SCN2A: variants seen among roughly 807,000 people sequenced by gnomAD.
SCN2A encodes the protein sodium voltage-gated channel alpha subunit 2.
A neutral mutation model predicts 188.7 loss-of-function variants in SCN2A; 20 were observed. The observed-to-expected ratio is 0.11, with a 90% confidence interval of 0.07 to 0.15. The LOEUF (loss-of-function observed/expected upper bound fraction) is 0.15. Among genes scored for constraint, SCN2A ranks in the 10% least tolerant of loss-of-function variants. SCN2A has a pLI of 1.00. For missense variants in SCN2A, 1,278 were observed against 2,445.0 expected, an observed-to-expected ratio of 0.52 and a Z score of 10.07; for synonymous variants, 804 against 833.1, an observed-to-expected ratio of 0.97 and a Z score of 0.60.
intron 23 of SCN2A, 57 bp from the exon 24 acceptor site, chr2:165,380,535 G>C (rs1701547488): frequency 7.8e-7 from 1 of 1,283,378 alleles, no homozygotes; most frequent in Non-Finnish European, 1.1e-6. Flanking sequence ...ACTCACTGAT[G>C]TACTTTTTGT....
intron 3 of SCN2A, among the ~76,000 whole-genome samples, chr2:165,301,722 ACT>A (rs1696818741): frequency 6.6e-6 from 1 of 152,060 alleles, no homozygotes; most frequent in African/African-American, 2.4e-5. Flanking sequence ...CAAAAAGGAA[ACT>A]CTCATATTCC....
intron 14 of SCN2A, among the ~76,000 whole-genome samples, chr2:165,334,827 T>A (rs1698898056): frequency 6.6e-6 from 1 of 151,610 alleles, no homozygotes; most frequent in Non-Finnish European, 1.5e-5. Flanking sequence ...AAGTAAATTC[T>A]ATTAACGAAT....
Position 165,389,406 on chromosome 2 carries a change from G to C in SCN2A, c.5600G>C (p.Gly1867Ala). The change falls in exon 27 of 27, where the codon GGT (glycine) becomes GCT (alanine). Residue 1867 changes from glycine (G) to alanine (A), a missense_variant. Physicochemically the swap from Gly to Ala is moderately conservative, Grantham distance 60. This residue lies in a region of SCN2A where 54 missense variants were observed against 135.4 expected (regional missense o/e 0.40). Transcript: ENST00000375437. This position sits in a 1 kb window ranked among gnomAD's most constrained non-coding sequence, Gnocchi z 4.2. ...ILFAFTKRVL[G>A]ESGEMDALRI... is the part of the protein sequence containing the mutation. Reference sequence around the variant, plus strand: ...TTTGCTTTTACAAAGCGTGTTTTGGGTGAGAGTGGAGAGATGGATGCCCTT... The same window carrying C: ...TTTGCTTTTACAAAGCGTGTTTTGGCTGAGAGTGGAGAGATGGATGCCCTT... 6.2e-7 allele frequency: 1 copy of C among 1,613,958 alleles called. No individual in the cohort carries two copies. The highest frequency in any genetic ancestry group is 8.5e-7 in the Non-Finnish European group (1 of 1,179,972).
At chr2:165,306,504 TTGTGTGTGTGTGTGTGTGTGTGTGTGTG>T (rs10524719) in intron 3 of SCN2A, among the ~76,000 whole-genome samples, 4 of 147,428 alleles carry the variant, frequency 2.7e-5, no homozygotes, top group Non-Finnish European at 6.0e-5. Context: ...AAATGGTATT[TTGTGTGTGTGTGTGTGTGTGTGTGTGTG>T]TGTGTGTGTG....
At chr2:165,248,362 C>G (rs1278051791) in intron 1 of SCN2A, among the ~76,000 whole-genome samples, 1 of 152,124 alleles carries the variant, frequency 6.6e-6, no homozygotes, top group African/African-American at 2.4e-5. Flanking sequence ...CCCTCATTCA[C>G]TTTCACTATT....
intron 1 of SCN2A, among the ~76,000 whole-genome samples, chr2:165,286,832 G>C (rs1053486834): frequency 6.6e-6 from 1 of 152,096 alleles, no homozygotes; most frequent in Non-Finnish European, 1.5e-5. Flanking sequence ...TATGTATTAC[G>C]CTTTTTTGGG....
At chr2:165,359,322 C>T (rs532416840) in intron 17 of SCN2A, among the ~76,000 whole-genome samples, 9 of 152,164 alleles carry the variant, frequency 5.9e-5, no homozygotes, top group South Asian at 2.1e-4. Context: ...TAGGCACTTT[C>T]GGATAATAGC....
At chr2:165,251,159 G>A (rs1162850855) in intron 1 of SCN2A, among the ~76,000 whole-genome samples, 1 of 151,984 alleles carries the variant, frequency 6.6e-6, no homozygotes, top group Non-Finnish European at 1.5e-5. Flanking sequence ...TAGCAAAGAT[G>A]GACTCAGGAA....
At chr2:165,381,436 G>T (rs531080007) in intron 25 of SCN2A, among the ~76,000 whole-genome samples, 5 of 151,732 alleles carry the variant, frequency 3.3e-5, no homozygotes, top group Non-Finnish European at 7.4e-5. Context: ...AATAAAATTT[G>T]CTATACTTAA....
chr2:165,294,901 C>T (rs1028718628), intron 1 of SCN2A, among the ~76,000 whole-genome samples: 2 of 152,102 alleles, frequency 1.3e-5, no homozygotes, highest in South Asian at 2.1e-4. Context: ...TTTCTCAAGT[C>T]CAAATTCTGA....
rs1574636415 is a variant in SCN2A at position 165,342,283 on chromosome 2, A to G, written c.2389-13A>G. ...AGTATTTGCTCATATAATGAACTAC[A>G]CTTCTCATTTAGGTCTTCACAGGGA... On this transcript the variant is annotated splice_polypyrimidine_tract_variant and intron_variant, in intron 14 of 26. Coordinates refer to ENST00000375437, the MANE Select transcript of SCN2A (RefSeq NM_001040142.2). The G allele has an allele frequency of 6.2e-7, 1 of 1,610,772 alleles. No homozygotes were observed. The highest frequency in any genetic ancestry group is 1.3e-5 in the African/African-American group (1 of 74,828).
At chr2:165,347,141 A>G (rs1045292385) in intron 16 of SCN2A, among the ~76,000 whole-genome samples, 2 of 152,212 alleles carry the variant, frequency 1.3e-5, no homozygotes, top group Admixed American at 6.5e-5. Context: ...ATGCATGCAC[A>G]CGTATGCTTA....
At chr2:165,362,054 G>T (rs1201022328) in intron 17 of SCN2A, among the ~76,000 whole-genome samples, 2 of 151,938 alleles carry the variant, frequency 1.3e-5, no homozygotes, top group South Asian at 2.1e-4. Flanking sequence ...AAGAGTCCTC[G>T]CACTGGTCAT....
chr2:165,247,957 A>G (rs930470784), intron 1 of SCN2A, among the ~76,000 whole-genome samples: 17 of 152,144 alleles, frequency 1.1e-4, no homozygotes, highest in African/African-American at 3.6e-4. Flanking sequence ...CCTCATCCTC[A>G]GGCTAACAAC....
intron 15 of SCN2A, 123 bp from the exon 16 acceptor site, chr2:165,344,432 A>C: frequency 1.6e-6 from 1 of 606,120 alleles, no homozygotes; most frequent in Non-Finnish European, 2.3e-6. Context: ...TGTACCCTAA[A>C]ACTTAAAGTA....
At chr2:165,304,574 G>A (rs1018793162) in intron 3 of SCN2A, among the ~76,000 whole-genome samples, 7 of 152,174 alleles carry the variant, frequency 4.6e-5, no homozygotes, top group Non-Finnish European at 8.8e-5. Flanking sequence ...TCCTCATGAC[G>A]CTCAGAGAGT....
chr2:165,381,306 T>C, intron 25 of SCN2A, 109 bp downstream of exon 25: 2 of 773,596 alleles, frequency 2.6e-6, no homozygotes, highest in Non-Finnish European at 4.4e-6. Flanking sequence ...ACAAAGTTTT[T>C]TACCTTAACA....
chr2:165,302,477 A>G (rs1696869856), intron 3 of SCN2A, among the ~76,000 whole-genome samples: 1 of 152,214 alleles, frequency 6.6e-6, no homozygotes, highest in East Asian at 1.9e-4. Flanking sequence ...GATATTATAC[A>G]TTATTACAAA....
chr2:165,349,327 T>C (rs758685607), intron 16 of SCN2A, among the ~76,000 whole-genome samples: 8 of 152,196 alleles, frequency 5.3e-5, no homozygotes, highest in Non-Finnish European at 1.0e-4. Context: ...ATAAAATGTA[T>C]TTTCCTTTAG....
Sources: gnomAD v4.1 joint callset for allele counts (sites outside exome capture counted in the v4.1 genomes callset) on GRCh38, gnomAD v4.1.1 for gene constraint, gnomAD v4.1.1 regional missense constraint, Gnocchi (gnomAD v3.1) non-coding constraint, MANE v1.5 for transcripts, NCBI Gene and HGNC (gene_info 2026-07-23, HGNC 2026-07-21) for gene names.